Variants in NRXN3 observed in about 807,000 individuals in gnomAD.
NRXN3 encodes the protein neurexin III.
Under a neutral mutation model 137.6 loss-of-function variants are expected in NRXN3, and 32 were observed. That is an observed-to-expected ratio of 0.23 (90% CI 0.18 to 0.31). The LOEUF is 0.31. Among genes scored for constraint, NRXN3 ranks in the 10% least tolerant of loss-of-function variants. The probability of loss-of-function intolerance (pLI) is 1.00; values close to 1 mark genes in which losing one functional copy is unlikely to be tolerated. For synonymous variants in NRXN3, 798 were observed against 784.5 expected (o/e 1.02, Z -0.29); for missense variants, 1,574 against 2,062.5 (o/e 0.76, Z 4.59).
At chr14:79,708,049 G>A (rs958445346) in intron 19 of NRXN3, among the ~76,000 whole-genome samples, 3 of 152,094 alleles carry the variant, frequency 2.0e-5, no homozygotes, top group South Asian at 4.1e-4. Flanking sequence ...AAGCTGTTGG[G>A]TGAGACATCA....
At chr14:79,696,395 G>A (rs553463390) in intron 18 of NRXN3, among the ~76,000 whole-genome samples, 33 of 151,944 alleles carry the variant, frequency 2.2e-4, no homozygotes, top group African/African-American at 3.6e-4. Context: ...TGAGTGGAGC[G>A]TTGTTTGATC....
chr14:78,956,554 T>A (rs1164858970), intron 10 of NRXN3, among the ~76,000 whole-genome samples: 1 of 152,236 alleles, frequency 6.6e-6, no homozygotes, highest in African/African-American at 2.4e-5. Flanking sequence ...GTTTTGGAAC[T>A]TTACATCATT....
At chr14:79,359,098 C>A (rs1271020227) in intron 15 of NRXN3, among the ~76,000 whole-genome samples, 1 of 152,154 alleles carries the variant, frequency 6.6e-6, no homozygotes. Context: ...AATGGGATAA[C>A]ATTTGTATTA....
At chr14:78,405,405 T>C (rs2092410388) in intron 4 of NRXN3, among the ~76,000 whole-genome samples, 1 of 152,188 alleles carries the variant, frequency 6.6e-6, no homozygotes, top group East Asian at 1.9e-4. Context: ...TTCTTTCCCC[T>C]ATTTGAAACT....
intron 12 of NRXN3, among the ~76,000 whole-genome samples, chr14:78,966,614 A>T (rs1244875787): frequency 6.6e-6 from 1 of 152,220 alleles, no homozygotes; most frequent in African/African-American, 2.4e-5. Flanking sequence ...GTCTTCCACT[A>T]ACTCAACACT....
At chr14:79,390,974 C>A (rs1229914597) in intron 15 of NRXN3, among the ~76,000 whole-genome samples, 1 of 152,070 alleles carries the variant, frequency 6.6e-6, no homozygotes, top group African/African-American at 2.4e-5. Context: ...TGCCCTTTGC[C>A]TTTGGTCATG....
chr14:78,728,791 C>T (rs999640522), intron 8 of NRXN3, among the ~76,000 whole-genome samples: 3 of 152,150 alleles, frequency 2.0e-5, no homozygotes, highest in Non-Finnish European at 2.9e-5. Context: ...TCCCACTTCT[C>T]AGGAGGCTGA....
intron 4 of NRXN3, among the ~76,000 whole-genome samples, chr14:78,301,860 G>A (rs1218703755): frequency 6.6e-6 from 1 of 152,196 alleles, no homozygotes; most frequent in Non-Finnish European, 1.5e-5. Context: ...TTTGGGGTTG[G>A]TTGATTGCCT....
intron 4 of NRXN3, among the ~76,000 whole-genome samples, chr14:78,568,691 T>C (rs2096859395): frequency 6.6e-6 from 1 of 152,218 alleles, no homozygotes; most frequent in African/African-American, 2.4e-5. Flanking sequence ...GTTCAATGTG[T>C]TAGCCAGGTT....
chr14:78,809,959 T>G (rs1192005402), intron 9 of NRXN3, among the ~76,000 whole-genome samples: 5 of 152,058 alleles, frequency 3.3e-5, no homozygotes, highest in Admixed American at 6.6e-5. Flanking sequence ...TTTTCCAAGT[T>G]TGACAAAATT....
At chr14:78,783,759 C>T (rs989579628) in intron 8 of NRXN3, among the ~76,000 whole-genome samples, 2 of 152,034 alleles carry the variant, frequency 1.3e-5, no homozygotes, top group African/African-American at 4.8e-5. Flanking sequence ...AATATGTAAA[C>T]TAAACTAAAG....
At position 79,157,007 on chromosome 14, in the gene NRXN3, C is replaced by G. The variant is rs113435639; in HGVS notation, c.3262+168866C>G. Reference sequence around the variant, plus strand: ...GGTATTTCCAGACTTTGTAACATTACTCTGGTTAACCACAGCTAGAGATTA... The same window carrying G: ...GGTATTTCCAGACTTTGTAACATTAGTCTGGTTAACCACAGCTAGAGATTA... On this transcript the variant is annotated intron_variant, in intron 15 of 20. Transcript: ENST00000335750. Among the ~76,000 whole-genome samples the G allele has an allele frequency of 2.5e-3, 374 of 151,854 alleles. 3 individuals carry two copies. Among genetic ancestry groups the G allele is most frequent in the African/African-American group, 8.7e-3 (360 of 41,494 alleles).
chr14:79,131,452 C>G (rs541291258), intron 15 of NRXN3, among the ~76,000 whole-genome samples: 11 of 152,288 alleles, frequency 7.2e-5, no homozygotes, highest in Middle Eastern at 3.4e-3. Flanking sequence ...AGGTGTCAGT[C>G]TGCCCCTGCT....
chr14:78,195,780 A>G (rs1056863469), intron 1 of NRXN3, among the ~76,000 whole-genome samples: 3 of 152,174 alleles, frequency 2.0e-5, no homozygotes, highest in African/African-American at 7.2e-5. Flanking sequence ...AGTGGAAGAG[A>G]CCTTTCTCAG....
At chr14:78,841,364 ATTCT>A (rs930900469) in intron 10 of NRXN3, among the ~76,000 whole-genome samples, 7 of 151,848 alleles carry the variant, frequency 4.6e-5, no homozygotes, top group African/African-American at 1.7e-4. Context: ...TTAGTGAATA[ATTCT>A]TTCTTTCACC....
At chr14:79,848,775 G>A (rs2099385802) in intron 20 of NRXN3, among the ~76,000 whole-genome samples, 1 of 151,956 alleles carries the variant, frequency 6.6e-6, no homozygotes, top group South Asian at 2.1e-4. Context: ...TAATCTTCTG[G>A]GTGATCTGAT....
chr14:79,496,645 T>A (rs1285915369), intron 16 of NRXN3, among the ~76,000 whole-genome samples: 1 of 152,246 alleles, frequency 6.6e-6, no homozygotes. Flanking sequence ...ATGGGCCTAA[T>A]GAGCAGTGTT....
intron 16 of NRXN3, among the ~76,000 whole-genome samples, chr14:79,624,565 A>G (rs1178563654): frequency 6.6e-6 from 1 of 152,122 alleles, no homozygotes; most frequent in East Asian, 1.9e-4. Context: ...GCAAATTTCC[A>G]TGATACAATA....
intron 15 of NRXN3, among the ~76,000 whole-genome samples, chr14:79,274,968 T>C (rs1019025200): frequency 3.3e-5 from 5 of 152,208 alleles, no homozygotes; most frequent in Non-Finnish European, 7.3e-5. Flanking sequence ...CAAATACTTG[T>C]AGAAGTGATG....
Sources: allele counts gnomAD v4.1 joint callset (sites outside exome capture counted in the v4.1 genomes callset), GRCh38; gene constraint gnomAD v4.1.1; transcripts MANE v1.5; gene names NCBI Gene and HGNC (gene_info 2026-07-23, HGNC 2026-07-21).